The following PKHD1L1 variants were observed in gnomAD, a reference collection of about 807,000 sequenced individuals.
PKHD1L1 encodes the protein fibrocystin-L.
In PKHD1L1, 434 loss-of-function variants were observed where a neutral mutation model predicts 462.9. That is an observed-to-expected ratio of 0.94 (90% CI 0.87 to 1.02). PKHD1L1 has a LOEUF of 1.02. PKHD1L1 is among the 50% of genes least tolerant of loss of function. The probability of loss-of-function intolerance (pLI) is 0.00; values close to 1 mark genes in which losing one functional copy is unlikely to be tolerated. For missense variants in PKHD1L1, 5,202 were observed against 5,096.1 expected, an observed-to-expected ratio of 1.02 and a Z score of -0.63; for synonymous variants, 1,781 against 1,750.0, an observed-to-expected ratio of 1.02 and a Z score of -0.44.
At chr8:109,497,407 T>G in intron 65 of PKHD1L1, 135 bp downstream of exon 65, 5 of 856,516 alleles carry the variant, frequency 5.8e-6, no homozygotes, top group Non-Finnish European at 6.8e-6. Context: ...TTGTTCCCAC[T>G]GCCCTCTGCC....
intron 1 of PKHD1L1, among the ~76,000 whole-genome samples, chr8:109,363,371 C>G (rs767552070): frequency 5.3e-5 from 8 of 152,190 alleles, no homozygotes; most frequent in Non-Finnish European, 1.0e-4. Flanking sequence ...GGCACTGGGT[C>G]TGGGGCCTCG....
chr8:109,454,584 T>C, intron 44 of PKHD1L1, 139 bp from the exon 45 acceptor site: 2 of 1,283,412 alleles, frequency 1.6e-6, no homozygotes, highest in Non-Finnish European at 2.1e-6. Context: ...AAGGTTTATC[T>C]TTCAAAAGAA....
At chr8:109,383,377 T>C (rs1253813241) in intron 4 of PKHD1L1, among the ~76,000 whole-genome samples, 4 of 114,918 alleles carry the variant, frequency 3.5e-5, no homozygotes, top group Admixed American at 1.2e-4. Flanking sequence ...TATTATATAG[T>C]ATGTATATTA....
chr8:109,518,128 AAT>A, intron 72 of PKHD1L1, 37 bp from the exon 73 acceptor site: 1 of 1,270,934 alleles, frequency 7.9e-7, no homozygotes, highest in Non-Finnish European at 1.1e-6. Flanking sequence ...GATAATATAA[AAT>A]ACTTAGCTGT....
intron 50 of PKHD1L1, among the ~76,000 whole-genome samples, chr8:109,468,932 T>C (rs542959666): frequency 6.6e-6 from 1 of 152,172 alleles, no homozygotes; most frequent in Non-Finnish European, 1.5e-5. Context: ...TGAGTTAGAC[T>C]TCTGCCGTCT....
At chr8:109,395,983 T>G (rs769048517) in intron 10 of PKHD1L1, 44 bp from the exon 11 acceptor site, 2 of 1,341,458 alleles carry the variant, frequency 1.5e-6, no homozygotes, top group South Asian at 1.3e-5. Context: ...TTTGGGTTTA[T>G]GTGTAATATT....
chr8:109,372,809 A>T (rs1181588048), intron 2 of PKHD1L1, among the ~76,000 whole-genome samples: 1 of 152,178 alleles, frequency 6.6e-6, no homozygotes, highest in Non-Finnish European at 1.5e-5. Context: ...GATTATGTTT[A>T]TTGATTTGCA....
At chr8:109,454,321 G>A in intron 44 of PKHD1L1, 75 bp downstream of exon 44, 1 of 987,146 alleles carries the variant, frequency 1.0e-6, no homozygotes, top group Non-Finnish European at 1.5e-6. Flanking sequence ...TGTGTAAAAT[G>A]GATAGTTAAT....
At chr8:109,525,537 C>A (rs1014451146) in intron 76 of PKHD1L1, among the ~76,000 whole-genome samples, 2 of 152,158 alleles carry the variant, frequency 1.3e-5, no homozygotes, top group South Asian at 2.1e-4. Flanking sequence ...TTAGCTAGAG[C>A]TGGCTAAGAT....
At chr8:109,399,236 T>C (rs998515636) in intron 12 of PKHD1L1, among the ~76,000 whole-genome samples, 13 of 152,186 alleles carry the variant, frequency 8.5e-5, no homozygotes, top group African/African-American at 3.1e-4. Context: ...TGATAATTTA[T>C]AATTGATGAC....
In PKHD1L1 at chr8:109,401,544, T is replaced by C. The variant is rs549628866; in HGVS notation, c.1329T>C (p.Ser443=). 21 of 1,594,996 alleles carry C rather than the reference T, an allele frequency of 1.3e-5. No homozygotes were observed. In the Admixed American group the frequency reaches 2.7e-4, roughly 20 times the overall value. Residue 443 remains serine (S), a synonymous_variant, in exon 14 of 78, where the codon AGT becomes AGC. Coordinates refer to ENST00000378402, the MANE Select transcript of PKHD1L1 (RefSeq NM_177531.6). ...HSANANSYFS[S]PTQRSDDIHL... ...CTAATGCCAACAGTTATTTTTCCAG[T>C]CCAACACAAAGATCAGATGATATTC... is the stretch of plus-strand genomic sequence containing the variant.
intron 50 of PKHD1L1, 99 bp from the exon 51 acceptor site, chr8:109,475,019 A>G: frequency 8.6e-7 from 1 of 1,167,456 alleles, no homozygotes; most frequent in South Asian, 1.7e-5. Flanking sequence ...CATTTGCTAA[A>G]CCAACCAAAC....
chr8:109,479,146 T>G (rs550258015), intron 53 of PKHD1L1, among the ~76,000 whole-genome samples: 1 of 152,238 alleles, frequency 6.6e-6, no homozygotes, highest in South Asian at 2.1e-4. Flanking sequence ...TCATAAAAAT[T>G]TGCATTAAAA....
In PKHD1L1 at chr8:109,370,982, T is replaced by A. The variant is rs189222647; in HGVS notation, c.163+6346T>A. 8.6e-3 allele frequency among the ~76,000 whole-genome samples: 1,307 copies of A among 152,340 alleles called. 23 individuals are homozygous for A. The highest frequency in any genetic ancestry group is 0.03 in the African/African-American group (1,255 of 41,568). ...CGCAATAAACATACGTGTGCATGTG[T>A]CTTTATAGGAGCATGATTTATAATC... On this transcript the variant is annotated intron_variant, in intron 2 of 77. Coordinates refer to ENST00000378402, the MANE Select transcript of PKHD1L1 (RefSeq NM_177531.6).
chr8:109,457,752 T>G (rs1816903708), intron 46 of PKHD1L1, among the ~76,000 whole-genome samples: 1 of 152,186 alleles, frequency 6.6e-6, no homozygotes, highest in African/African-American at 2.4e-5. Flanking sequence ...GTTGTTATAT[T>G]ACAACAAAGG....
Position 109,412,245 on chromosome 8 carries a change from AAAT to A in PKHD1L1, c.2086-18_2086-16del. 1 of 1,610,948 alleles carries A rather than the reference AAAT, an allele frequency of 6.2e-7. No homozygotes were observed. The highest frequency in any genetic ancestry group is 8.5e-7 in the Non-Finnish European group (1 of 1,178,194). On this transcript the variant is annotated splice_polypyrimidine_tract_variant and intron_variant, in intron 19 of 77. Transcript: ENST00000378402. Reference sequence around the variant, plus strand: ...GAACAATAAATCATGTTTTCATTTGAAATATTATTGTTTCGGTAGGAACATATT... The same window carrying A: ...GAACAATAAATCATGTTTTCATTTGAATTATTGTTTCGGTAGGAACATATT...
chr8:109,479,882 G>A (rs1818184963), intron 54 of PKHD1L1, 109 bp from the exon 55 acceptor site: 1 of 1,099,628 alleles, frequency 9.1e-7, no homozygotes, highest in East Asian at 2.6e-5. Flanking sequence ...TATATGAAAA[G>A]ACATGTCATA....
At chr8:109,510,345 A>G (rs1334045761) in intron 70 of PKHD1L1, among the ~76,000 whole-genome samples, 1 of 151,648 alleles carries the variant, frequency 6.6e-6, no homozygotes, top group Admixed American at 6.6e-5. Context: ...TTCCTAACAA[A>G]GAGCCTGAGA....
At chr8:109,467,335 C>G (rs1405733771) in intron 50 of PKHD1L1, among the ~76,000 whole-genome samples, 1 of 152,132 alleles carries the variant, frequency 6.6e-6, no homozygotes, top group Non-Finnish European at 1.5e-5. Flanking sequence ...AATCCTGAAT[C>G]TCACGTTTCT....
Sources: gnomAD v4.1 joint callset for allele counts (sites outside exome capture counted in the v4.1 genomes callset) on GRCh38, gnomAD v4.1.1 for gene constraint, MANE v1.5 for transcripts, NCBI Gene and HGNC (gene_info 2026-07-23, HGNC 2026-07-21) for gene names.